ZDHHC20: variants seen among roughly 807,000 people sequenced by gnomAD.
The protein encoded by ZDHHC20 is palmitoyltransferase ZDHHC20.
In ZDHHC20, 43 loss-of-function variants were observed where a neutral mutation model predicts 57.8. The observed-to-expected ratio is 0.74, with a 90% confidence interval of 0.58 to 0.96. The LOEUF is 0.96. Ranked by LOEUF, ZDHHC20 falls within the 40% of genes least tolerant of loss-of-function variation. The pLI, the probability that ZDHHC20 is intolerant of heterozygous loss-of-function variation, is 0.00. For missense variants in ZDHHC20, 391 were observed against 441.1 expected, an observed-to-expected ratio of 0.89 and a Z score of 1.02; for synonymous variants, 157 against 153.0, an observed-to-expected ratio of 1.03 and a Z score of -0.19.
At chr13:21,439,519 T>C (rs553307803) in intron 1 of ZDHHC20, among the ~76,000 whole-genome samples, 1 of 151,924 alleles carries the variant, frequency 6.6e-6, no homozygotes, top group East Asian at 2.0e-4. Context: ...ATACCCTGTC[T>C]CAAAACAAAA....
intron 1 of ZDHHC20, among the ~76,000 whole-genome samples, chr13:21,437,156 A>G (rs572587643): frequency 6.6e-6 from 1 of 152,338 alleles, no homozygotes; most frequent in African/African-American, 2.4e-5. Context: ...AATTTTGTGA[A>G]GGCTGAGAGA....
rs2137657212 is a variant in ZDHHC20, at chr13:21,382,901, A to AT, written c.944+18dup. 2 of 1,545,410 alleles carry AT rather than the reference A, an allele frequency of 1.3e-6. No homozygotes were observed. The highest frequency in any genetic ancestry group is 2.4e-5 in the South Asian group (2 of 83,916). ...TGCTTTATGATGAATATAGAAAAGC[A>AT]TAAGGACAATAAGCATACCTTCTGG... On this transcript the variant is annotated intron_variant, in intron 10 of 12. Transcript: ENST00000400590.
intron 7 of ZDHHC20, among the ~76,000 whole-genome samples, chr13:21,392,671 A>C (rs536096028): frequency 6.2e-4 from 95 of 152,338 alleles, no homozygotes; most frequent in South Asian, 1.7e-3. Context: ...GCAGCCTTTA[A>C]ATGTTAGCTC....
intron 4 of ZDHHC20, among the ~76,000 whole-genome samples, chr13:21,404,507 G>C (rs537653361): frequency 5.9e-5 from 9 of 152,268 alleles, no homozygotes; most frequent in Admixed American, 5.2e-4. Flanking sequence ...CCAGCACTCT[G>C]TCTGGGAGGC....
Position 21,459,303 on chromosome 13 carries a change from C to G in ZDHHC20, c.-132G>C, listed in dbSNP as rs896159857. 2 of 616,490 alleles carry G rather than the reference C, an allele frequency of 3.2e-6. No homozygotes were observed. The highest frequency in any genetic ancestry group is 4.0e-5 in the Admixed American group (1 of 24,810). 38.2% of individuals were successfully genotyped at this position (616,490 alleles called of 1,614,324 possible). The stretch of plus-strand genomic sequence containing the variant: ...GCCTCCGAGGCAGGACTTGTGGGAG[C>G]AAAAGTCCGAGGCGCCGCCGGGACT... On this transcript the variant is annotated 5_prime_UTR_variant, in exon 1 of 13. Coordinates refer to ENST00000400590, the MANE Select transcript of ZDHHC20 (RefSeq NM_001330059.2).
intron 7 of ZDHHC20, among the ~76,000 whole-genome samples, chr13:21,393,965 C>T (rs537965755): frequency 8.5e-5 from 13 of 152,344 alleles, no homozygotes; most frequent in African/African-American, 3.1e-4. Flanking sequence ...TGACTTCTAA[C>T]CACCTTCACT....
chr13:21,379,204 C>A (rs527566859), intron 11 of ZDHHC20, among the ~76,000 whole-genome samples: 1 of 151,984 alleles, frequency 6.6e-6, no homozygotes, highest in Non-Finnish European at 1.5e-5. Context: ...CTCAGAAATT[C>A]GAACAGTAGG....
rs374070850 is a variant in ZDHHC20 at position 21,375,236 on chromosome 13, C to A, written c.*1460G>T. On this transcript the variant is annotated 3_prime_UTR_variant, in exon 13 of 13. Transcript: ENST00000400590. ...CCAGTCCAACTTATTCACAACACCC[C>A]CTCCCCTGCAGTCCCATTTTACAGA... is the stretch of plus-strand genomic sequence containing the variant. The A allele has an allele frequency of 6.6e-6, 3 of 451,920 alleles. No individual in the cohort carries two copies. The highest frequency in any genetic ancestry group is 4.7e-5 in the Admixed American group (2 of 42,148). The allele number at this position is 451,920 out of a possible 1,614,324, so 28.0% of individuals were successfully genotyped here. A position where few individuals can be genotyped will look rare whatever the true frequency, so the allele number is the denominator to read the frequency against.
chr13:21,417,476 G>A (rs565425547), intron 3 of ZDHHC20, among the ~76,000 whole-genome samples: 1 of 152,180 alleles, frequency 6.6e-6, no homozygotes, highest in African/African-American at 2.4e-5. Flanking sequence ...TTTCACTCTT[G>A]TTGCCCAGGC....
intron 3 of ZDHHC20, among the ~76,000 whole-genome samples, chr13:21,416,828 G>C (rs1189159215): frequency 1.3e-5 from 2 of 152,230 alleles, no homozygotes; most frequent in Non-Finnish European, 2.9e-5. Context: ...CTTGAGTATA[G>C]AGTTCCATGA....
intron 10 of ZDHHC20, chr13:21,382,073 A>T: frequency 4.8e-6 from 2 of 414,518 alleles, no homozygotes; most frequent in Non-Finnish European, 9.9e-6. Flanking sequence ...GTTCCCTATT[A>T]TGGGCCAGAC....
intron 7 of ZDHHC20, among the ~76,000 whole-genome samples, chr13:21,398,920 A>G (rs1335005391): frequency 6.6e-6 from 1 of 152,258 alleles, no homozygotes; most frequent in African/African-American, 2.4e-5. Context: ...CACAGTAGAA[A>G]GAACCAACAG....
chr13:21,374,578 A>G lies in ZDHHC20; in HGVS notation c.*2118T>C, dbSNP rs576073706. 1 of 311,006 alleles carries G rather than the reference A, an allele frequency of 3.2e-6. No individual in the cohort carries two copies. Among genetic ancestry groups the G allele is most frequent in the South Asian group, 2.6e-5 (1 of 37,752 alleles). 19.3% of individuals were successfully genotyped at this position (311,006 alleles called of 1,614,324 possible). ...ATCTCATTCTAGTTTGCTAGAATCA[A>G]GATTACTAAGGAGTTGAAACAAAGG... On this transcript the variant is annotated 3_prime_UTR_variant, in exon 13 of 13. Transcript: ENST00000400590.
intron 1 of ZDHHC20, among the ~76,000 whole-genome samples, chr13:21,434,869 G>A (rs1010138168): frequency 2.0e-5 from 3 of 151,778 alleles, no homozygotes; most frequent in Admixed American, 2.0e-4. Flanking sequence ...CTGTGTTGTC[G>A]CCAATCCTTT....
In ZDHHC20 at chr13:21,372,773, A is replaced by C. The variant is rs1871409527; in HGVS notation, c.*3923T>G. On this transcript the variant is annotated 3_prime_UTR_variant, in exon 13 of 13. Coordinates refer to ENST00000400590, the MANE Select transcript of ZDHHC20 (RefSeq NM_001330059.2). ...GGTACTTGTTAGGTAAACACAACCAAACTAAACTGTACTTCAAATTTGTTT... is the reference window on the plus strand; with the variant it reads ...GGTACTTGTTAGGTAAACACAACCACACTAAACTGTACTTCAAATTTGTTT... The C allele has an allele frequency of 6.6e-6, 1 of 152,216 alleles. No homozygotes were observed. The highest frequency in any genetic ancestry group is 2.1e-4 in the South Asian group (1 of 4,832). 9.4% of individuals were successfully genotyped at this position (152,216 alleles called of 1,614,324 possible).
At chr13:21,400,618 T>A in intron 6 of ZDHHC20, 125 bp from the exon 7 acceptor site, 1 of 944,350 alleles carries the variant, frequency 1.1e-6, no homozygotes, top group South Asian at 1.6e-5. Context: ...TTAATGCGAA[T>A]AAAATTTCAG....
chr13:21,459,016 G>A (rs765350004), intron 1 of ZDHHC20, 38 bp downstream of exon 1: 6 of 1,527,932 alleles, frequency 3.9e-6, no homozygotes, highest in Middle Eastern at 1.7e-4. Flanking sequence ...CCTAGCCGCG[G>A]CCCGCGCCCC....
intron 4 of ZDHHC20, 81 bp from the exon 5 acceptor site, chr13:21,402,947 A>C: frequency 9.2e-7 from 1 of 1,081,714 alleles, no homozygotes; most frequent in South Asian, 1.4e-5. Flanking sequence ...TTTTCTAAAA[A>C]AAATAACTCT....
At chr13:21,396,608 G>A (rs1004137709) in intron 7 of ZDHHC20, among the ~76,000 whole-genome samples, 1 of 152,164 alleles carries the variant, frequency 6.6e-6, no homozygotes, top group Admixed American at 6.5e-5. Context: ...CGAGGTGGGT[G>A]GATCACCTAA....
Sources: allele counts gnomAD v4.1 joint callset (sites outside exome capture counted in the v4.1 genomes callset), GRCh38; gene constraint gnomAD v4.1.1; transcripts MANE v1.5; gene names NCBI Gene and HGNC (gene_info 2026-07-23, HGNC 2026-07-21).